The following CYP4V2 variants were observed in gnomAD, a reference collection of about 807,000 sequenced individuals.
The protein encoded by CYP4V2 is cytochrome P450 family 4 subfamily V member 2, also known as cytochrome P450 4V2.
In CYP4V2, 55 loss-of-function variants were observed where a neutral mutation model predicts 60.8. The ratio of observed to expected loss-of-function variants is 0.90; its 90% CI spans 0.73 to 1.13. CYP4V2 has a LOEUF of 1.13. CYP4V2 is among the 50% of genes most tolerant of loss of function. CYP4V2 has a pLI of 0.00. For missense variants in CYP4V2, 675 were observed against 662.9 expected (o/e 1.02, Z -0.20); for synonymous variants, 239 against 236.8 (o/e 1.01, Z -0.08).
intron 2 of CYP4V2, among the ~76,000 whole-genome samples, chr4:186,194,967 G>A (rs143139274): frequency 3.7e-4 from 56 of 152,274 alleles, no homozygotes; most frequent in African/African-American, 1.3e-3. Flanking sequence ...AATAAAATAT[G>A]TTTCCCTCAA....
Position 186,191,656 on chromosome 4 carries a change from C to A in CYP4V2, c.-168C>A. ...AACAGCCCCGTGGCGCCCTCTCTGG[C>A]CGCCGCCCGGGCGGGAAACGTCGTT... On this transcript the variant is annotated 5_prime_UTR_variant, in exon 1 of 11. Transcript: ENST00000378802. 1.8e-6 allele frequency: 1 copy of A among 556,992 alleles called. No homozygotes were observed. Among genetic ancestry groups the A allele is most frequent in the Non-Finnish European group, 2.6e-6 (1 of 383,666 alleles). 34.5% of individuals were successfully genotyped at this position (556,992 alleles called of 1,614,324 possible).
chr4:186,198,172 A>T (rs938322235), intron 5 of CYP4V2, among the ~76,000 whole-genome samples: 2 of 152,234 alleles, frequency 1.3e-5, no homozygotes, highest in East Asian at 1.9e-4. Flanking sequence ...CATTGAGCTG[A>T]GTATATTTAA....
At chr4:186,203,738 T>A (rs1736395881) in intron 7 of CYP4V2, 3 of 152,348 alleles carry the variant, frequency 2.0e-5, no homozygotes, top group African/African-American at 7.2e-5. Context: ...CATCTGGAGT[T>A]CCGAGTAGGT....
In CYP4V2 at chr4:186,191,782, C is replaced by G. The variant is rs1735988248; in HGVS notation, c.-42C>G. 1 of 1,458,480 alleles carries G rather than the reference C, an allele frequency of 6.9e-7. No individual in the cohort carries two copies. Among genetic ancestry groups the G allele is most frequent in the Non-Finnish European group, 9.0e-7 (1 of 1,110,910 alleles). The allele number at this position is 1,458,480 out of a possible 1,614,324, so 90.3% of individuals were successfully genotyped here. ...GCCTCGCACCACGCCCCCGCGGGCC[C>G]GCACTTTCCCGGAGTGCACCCCGCG... On this transcript the variant is annotated 5_prime_UTR_variant, in exon 1 of 11. Transcript: ENST00000378802.
chr4:186,210,398 A>G, intron 10 of CYP4V2, 71 bp from the exon 11 acceptor site: 2 of 1,603,788 alleles, frequency 1.2e-6, no homozygotes, highest in Non-Finnish European at 1.7e-6. Context: ...GCTTCCTATG[A>G]CAGGACCTCT....
Position 186,192,012 on chromosome 4 carries a change from G to T in CYP4V2, c.189G>T (p.Ala63=). The stretch of plus-strand genomic sequence containing the variant: ...GCGCCTACCCACTGGTGGGCCACGC[G>T]CTGCTGATGAAGCCGGACGGGCGAG... The part of the protein sequence containing the change: ...VARAYPLVGH[A]LLMKPDGREF... Residue 63 remains alanine, a synonymous_variant, in exon 1 of 11, where the codon GCG becomes GCT. Transcript: ENST00000378802. 1 of 1,582,874 alleles carries T rather than the reference G, an allele frequency of 6.3e-7. No homozygotes were observed. Among genetic ancestry groups the T allele is most frequent in the Non-Finnish European group, 8.6e-7 (1 of 1,169,430 alleles).
At chr4:186,208,556 C>T (rs2126600063) in intron 8 of CYP4V2, among the ~76,000 whole-genome samples, 1 of 151,360 alleles carries the variant, frequency 6.6e-6, no homozygotes, top group East Asian at 2.0e-4. Flanking sequence ...GCATCCAGTA[C>T]CTTGATCCAC....
chr4:186,205,133 T>C, intron 7 of CYP4V2, 67 bp from the exon 8 acceptor site: 1 of 1,457,358 alleles, frequency 6.9e-7, no homozygotes, highest in Non-Finnish European at 9.6e-7. Flanking sequence ...TCAAAAGAGG[T>C]TTCTGGTCAC....
rs10013653 is a variant in CYP4V2 at position 186,194,478 on chromosome 4, C to A, written c.215-22C>A. On this transcript the variant is annotated intron_variant, in intron 1 of 10. Transcript: ENST00000378802. ...CAACTTTCTCATCTTGATTGAATTT[C>A]AAATTTGATGTTTTTCCCCAGAATT... The A allele has an allele frequency of 0.4, 636,429 of 1,596,830 alleles. 133,908 individuals are homozygous for A. Among genetic ancestry groups the A allele is most frequent in the African/African-American group, 0.66 (49,011 of 74,568 alleles).
chr4:186,191,637 C>T lies in CYP4V2; in HGVS notation c.-187C>T, dbSNP rs1488225042. ...AGGCCGGGCCGGGCGCAGGAACAGC[C>T]CCGTGGCGCCCTCTCTGGCCGCCGC... is the stretch of plus-strand genomic sequence containing the variant. On this transcript the variant is annotated 5_prime_UTR_variant, in exon 1 of 11. Transcript: ENST00000378802. 1.9e-5 allele frequency: 8 copies of T among 414,490 alleles called. No homozygotes were observed. The highest frequency in any genetic ancestry group is 1.6e-5 in the Non-Finnish European group (4 of 255,420). 25.7% of individuals were successfully genotyped at this position (414,490 alleles called of 1,614,324 possible). A position where few individuals can be genotyped will look rare whatever the true frequency, so the allele number is the denominator to read the frequency against.
At chr4:186,204,435 GGAGGTGGAGACGTTACGCTGGCGTAA>G (rs1736434625) in intron 7 of CYP4V2, 1 of 206,936 alleles carries the variant, frequency 4.8e-6, no homozygotes, top group Non-Finnish European at 1.0e-5. Flanking sequence ...CGTAAGAGGT[GGAGGTGGAGACGTTACGCTGGCGTAA>G]GAGGTGGAGG....
chr4:186,209,984 G>A (rs1310183008), intron 10 of CYP4V2, among the ~76,000 whole-genome samples: 1 of 152,226 alleles, frequency 6.6e-6, no homozygotes, highest in Non-Finnish European at 1.5e-5. Flanking sequence ...AATCAAAACA[G>A]CAAATGCTTG....
Position 186,207,913 on chromosome 4 carries a change from A to G in CYP4V2, c.1091-952A>G, listed in dbSNP as rs73873751. ...AATATGTGACCTTTAGTGTCTGTTT[A>G]TTTTACTTGGCACATTGTCCATTTT... On this transcript the variant is annotated intron_variant, in intron 8 of 10. Transcript: ENST00000378802. 9.9e-3 allele frequency among the ~76,000 whole-genome samples: 1,505 copies of G among 152,214 alleles called. 27 individuals are homozygous for G. The highest frequency in any genetic ancestry group is 0.034 in the African/African-American group (1,403 of 41,516).
At chr4:186,192,722 A>G (rs897949673) in intron 1 of CYP4V2, among the ~76,000 whole-genome samples, 7 of 152,328 alleles carry the variant, frequency 4.6e-5, no homozygotes, top group Non-Finnish European at 8.8e-5. Context: ...AAAGCTCTCA[A>G]AAGTACCTGG....
chr4:186,196,235 A>G lies in CYP4V2; in HGVS notation c.413+147A>G, dbSNP rs985041618. ...GGAGAAAGGCTGGAAAGGAAGGTCC[A>G]GCTGGCAGCTGGCCTTTGCCCGTCA... On this transcript the variant is annotated intron_variant, in intron 3 of 10. Coordinates refer to ENST00000378802, the MANE Select transcript of CYP4V2 (RefSeq NM_207352.4). 3.3e-5 allele frequency: 25 copies of G among 751,114 alleles called. No homozygotes were observed. The African/African-American group carries it at 3.8e-4, about 11-fold the overall frequency. 46.5% of individuals were successfully genotyped at this position (751,114 alleles called of 1,614,324 possible).
At chr4:186,208,499 A>G (rs1579975986) in intron 8 of CYP4V2, among the ~76,000 whole-genome samples, 2 of 101,952 alleles carry the variant, frequency 2.0e-5, no homozygotes, top group Middle Eastern at 9.6e-3. Flanking sequence ...TTTAGCATCT[A>G]GTACCTTGAT....
At chr4:186,206,289 G>A (rs1167200479) in intron 8 of CYP4V2, among the ~76,000 whole-genome samples, 1 of 152,048 alleles carries the variant, frequency 6.6e-6, no homozygotes, top group Non-Finnish European at 1.5e-5. Flanking sequence ...TGGCGTTCAG[G>A]GCTCACCTGG....
At chr4:186,210,008 T>G (rs932176491) in intron 10 of CYP4V2, among the ~76,000 whole-genome samples, 6 of 152,236 alleles carry the variant, frequency 3.9e-5, no homozygotes, top group Non-Finnish European at 7.3e-5. Flanking sequence ...TATGGCCAGC[T>G]AGTACTTAAG....
Position 186,210,784 on chromosome 4 carries a change from A to G in CYP4V2, c.*143A>G. 2.2e-6 allele frequency: 2 copies of G among 921,980 alleles called. No individual in the cohort carries two copies. Among genetic ancestry groups the G allele is most frequent in the East Asian group, 2.7e-5 (1 of 37,614 alleles). 57.1% of individuals were successfully genotyped at this position (921,980 alleles called of 1,614,324 possible). On this transcript the variant is annotated 3_prime_UTR_variant, in exon 11 of 11. Transcript: ENST00000378802. Reference sequence around the variant, plus strand: ...CCTTGATCCCACTGATCTTGACATCAAGTCTAACAAAGAAAAAGTTTTGAG... The same window carrying G: ...CCTTGATCCCACTGATCTTGACATCGAGTCTAACAAAGAAAAAGTTTTGAG...
Sources: allele counts gnomAD v4.1 joint callset (sites outside exome capture counted in the v4.1 genomes callset), GRCh38; gene constraint gnomAD v4.1.1; transcripts MANE v1.5; gene names NCBI Gene and HGNC (gene_info 2026-07-23, HGNC 2026-07-21).